PRKN: variants seen among roughly 807,000 people sequenced by gnomAD.
PRKN encodes the protein parkin RBR E3 ubiquitin protein ligase.
In PRKN, 56 loss-of-function variants were observed where a neutral mutation model predicts 59.5. The ratio of observed to expected loss-of-function variants is 0.94; its 90% CI spans 0.76 to 1.18. The LOEUF is 1.18. Ranked by LOEUF, PRKN falls within the 50% of genes most tolerant of loss-of-function variation. PRKN has a pLI of 0.00. For missense variants in PRKN, 657 were observed against 596.4 expected (o/e 1.10, Z -1.06); for synonymous variants, 250 against 222.1 (o/e 1.13, Z -1.12).
rs1783420437 is a variant in PRKN at position 162,025,996 on chromosome 6, G to C, written c.618+28095C>G. Among the ~76,000 whole-genome samples the C allele has an allele frequency of 2.6e-5, 4 of 152,138 alleles. No homozygotes were observed. In the South Asian group the frequency reaches 8.3e-4, roughly 32 times the overall value. On this transcript the variant is annotated intron_variant, in intron 5 of 11. Transcript: ENST00000366898. ...AAACCACTATTGCAGTCAAGGAAAG[G>C]TTAACAATCCTTTCTTAGCAGAACA...
chr6:162,276,690 GGT>G (rs34824370), intron 2 of PRKN, among the ~76,000 whole-genome samples: 67,648 of 150,322 alleles, frequency 0.45, 17,290 homozygotes, highest in African/African-American at 0.7. Flanking sequence ...AACAGAAGCT[GGT>G]GTGTGTGTGT....
chr6:162,084,421 C>T (rs1309481372), intron 4 of PRKN, among the ~76,000 whole-genome samples: 1 of 152,056 alleles, frequency 6.6e-6, no homozygotes, highest in Non-Finnish European at 1.5e-5. Flanking sequence ...ATTCAGGTTG[C>T]TGGTTTCTTT....
intron 7 of PRKN, among the ~76,000 whole-genome samples, chr6:161,608,704 T>G (rs1280794802): frequency 6.6e-6 from 1 of 151,848 alleles, no homozygotes; most frequent in Non-Finnish European, 1.5e-5. Context: ...GGCTAATTTT[T>G]TTTTTTTTAA....
At chr6:161,849,953 C>A (rs769660301) in intron 6 of PRKN, among the ~76,000 whole-genome samples, 1 of 152,092 alleles carries the variant, frequency 6.6e-6, no homozygotes, top group Non-Finnish European at 1.5e-5. Flanking sequence ...CAGCTATTTT[C>A]GCTACCGTAA....
At chr6:162,074,803 C>G (rs77202863) in intron 4 of PRKN, among the ~76,000 whole-genome samples, 4 of 152,114 alleles carry the variant, frequency 2.6e-5, no homozygotes, top group Non-Finnish European at 5.9e-5. Context: ...GCCAACAACG[C>G]GTTTCCCCCT....
chr6:162,591,075 TG>T (rs1562415441), intron 1 of PRKN, among the ~76,000 whole-genome samples: 1 of 152,088 alleles, frequency 6.6e-6, no homozygotes, highest in Admixed American at 6.6e-5. Flanking sequence ...CCCATCAGGC[TG>T]TGCTCAAGAT....
rs1453874585 is a variant in PRKN at position 161,716,061 on chromosome 6, T to G, written c.871+69711A>C. 4 of 1,299,224 alleles carry G rather than the reference T, an allele frequency of 3.1e-6. No individual in the cohort carries two copies. The Admixed American group carries it at 7.7e-5, about 25-fold the overall frequency. The allele number at this position is 1,299,224 out of a possible 1,614,324, so 80.5% of individuals were successfully genotyped here. A position where few individuals can be genotyped will look rare whatever the true frequency, so the allele number is the denominator to read the frequency against. ...TAGCGACACAGCCACCATGCTGTGC[T>G]GGGCCCATCTTACCGACTCCTCTCC... On this transcript the variant is annotated intron_variant, in intron 7 of 11. Transcript: ENST00000366898.
intron 7 of PRKN, among the ~76,000 whole-genome samples, chr6:161,688,701 A>G (rs2128174800): frequency 6.6e-6 from 1 of 152,308 alleles, no homozygotes; most frequent in Middle Eastern, 3.4e-3. Context: ...GAAACAGGCA[A>G]TAAAGAAGGG....
chr6:162,612,597 CAAAAA>C (rs10581049), intron 1 of PRKN, among the ~76,000 whole-genome samples: 85,302 of 122,830 alleles, frequency 0.69, 28,866 homozygotes, highest in Middle Eastern at 0.74. Context: ...AACTCCATCT[CAAAAA>C]AAAAAAAAAA....
At chr6:162,289,408 G>GTT (rs200713776) in intron 2 of PRKN, among the ~76,000 whole-genome samples, 3 of 150,948 alleles carry the variant, frequency 2.0e-5, no homozygotes, top group Admixed American at 6.6e-5. Context: ...CAAAATAGGT[G>GTT]TTTTTTTTTA....
chr6:162,331,842 A>G (rs1204074607), intron 2 of PRKN, among the ~76,000 whole-genome samples: 3 of 152,178 alleles, frequency 2.0e-5, no homozygotes, highest in Non-Finnish European at 4.4e-5. Context: ...TGTCTCTGAC[A>G]CTGCAACTCA....
chr6:161,742,306 CTT>C (rs1562647945), intron 7 of PRKN, among the ~76,000 whole-genome samples: 1 of 152,164 alleles, frequency 6.6e-6, no homozygotes, highest in African/African-American at 2.4e-5. Context: ...CAAGCTCTCT[CTT>C]GCCAGCTGTC....
chr6:161,833,506 T>C (rs979455549), intron 6 of PRKN, among the ~76,000 whole-genome samples: 2 of 151,700 alleles, frequency 1.3e-5, no homozygotes, highest in Admixed American at 1.3e-4. Context: ...ACCATTAGCA[T>C]TTTTTTTTCC....
intron 2 of PRKN, among the ~76,000 whole-genome samples, chr6:162,407,504 C>T (rs908304724): frequency 6.6e-6 from 1 of 152,210 alleles, no homozygotes; most frequent in Non-Finnish European, 1.5e-5. Flanking sequence ...GATCACTACC[C>T]ATTAAAATCA....
At chr6:161,621,988 G>A (rs1782920109) in intron 7 of PRKN, among the ~76,000 whole-genome samples, 1 of 152,166 alleles carries the variant, frequency 6.6e-6, no homozygotes, top group South Asian at 2.1e-4. Context: ...TCTCCCCAGA[G>A]AGGATGCCTT....
chr6:162,043,893 A>C (rs969158904), intron 5 of PRKN, among the ~76,000 whole-genome samples: 3 of 152,208 alleles, frequency 2.0e-5, no homozygotes, highest in African/African-American at 7.2e-5. Flanking sequence ...ATTCCCACTG[A>C]GGAACACCCT....
intron 6 of PRKN, among the ~76,000 whole-genome samples, chr6:161,808,418 A>T (rs1791424063): frequency 6.6e-6 from 1 of 152,206 alleles, no homozygotes; most frequent in Admixed American, 6.5e-5. Context: ...TAAAGTATTT[A>T]TTAGTAAAAG....
chr6:162,129,024 A>G (rs981277484), intron 4 of PRKN, among the ~76,000 whole-genome samples: 2 of 152,200 alleles, frequency 1.3e-5, no homozygotes, highest in Non-Finnish European at 2.9e-5. Flanking sequence ...ATGCTTTAAA[A>G]TGTACACTCA....
chr6:162,073,074 G>C (rs1040114812), intron 4 of PRKN, among the ~76,000 whole-genome samples: 8 of 152,068 alleles, frequency 5.3e-5, no homozygotes, highest in Admixed American at 3.3e-4. Context: ...AGAGCTCAGG[G>C]TCAAATAAGA....
Sources: allele counts gnomAD v4.1 joint callset (sites outside exome capture counted in the v4.1 genomes callset), GRCh38; gene constraint gnomAD v4.1.1; transcripts MANE v1.5; gene names NCBI Gene and HGNC (gene_info 2026-07-23, HGNC 2026-07-21).